VWF: variants seen among roughly 807,000 people sequenced by gnomAD.
VWF encodes von Willebrand factor.
Under a neutral mutation model 308.6 loss-of-function variants are expected in VWF, and 176 were observed. The observed-to-expected ratio is 0.57, with a 90% confidence interval of 0.50 to 0.65. VWF has a LOEUF of 0.65. Among genes scored for constraint, VWF ranks in the 30% least tolerant of loss-of-function variants. VWF has a pLI of 0.00. For synonymous variants in VWF, 1,385 were observed against 1,443.4 expected (o/e 0.96, Z 0.92); for missense variants, 3,146 against 3,648.2 (o/e 0.86, Z 3.55).
chr12:5,981,323 GTCCAAGACCA>G (rs1372195253), intron 42 of VWF, among the ~76,000 whole-genome samples: 1 of 152,150 alleles, frequency 6.6e-6, no homozygotes, highest in Non-Finnish European at 1.5e-5. Flanking sequence ...GAGCCCAGGA[GTCCAAGACCA>G]GCCTAGGCAA....
chr12:6,093,079 C>T (rs940356717), intron 6 of VWF, among the ~76,000 whole-genome samples: 2 of 152,108 alleles, frequency 1.3e-5, no homozygotes, highest in Non-Finnish European at 2.9e-5. Context: ...AAGAAAAGCT[C>T]TCCTCTCTAA....
At chr12:5,967,694 A>G (rs1186071614) in intron 46 of VWF, 92 bp from the exon 47 acceptor site, 16 of 1,118,708 alleles carry the variant, frequency 1.4e-5, no homozygotes, top group South Asian at 2.5e-5. Flanking sequence ...CCACCCACCC[A>G]TAGCTCCCAT....
intron 13 of VWF, among the ~76,000 whole-genome samples, chr12:6,059,796 G>C (rs775556428): frequency 6.6e-6 from 1 of 152,218 alleles, no homozygotes; most frequent in African/African-American, 2.4e-5. Flanking sequence ...AGTGTTTGTT[G>C]AATGAATGAA....
rs181770965 is a variant in VWF at position 6,021,790 on chromosome 12, G to T, written c.3674+110C>A. On this transcript the variant is annotated intron_variant, in intron 27 of 51. Coordinates refer to ENST00000261405, the MANE Select transcript of VWF (RefSeq NM_000552.5). Reference sequence around the variant, plus strand: ...TAAATAAACAAATAAAATAAACTCAGTCTCTCAACTCATGTGGCTAGGACT... The same window carrying T: ...TAAATAAACAAATAAAATAAACTCATTCTCTCAACTCATGTGGCTAGGACT... 10 of 1,230,566 alleles carry T rather than the reference G, an allele frequency of 8.1e-6. No individual in the cohort carries two copies. In the East Asian group the frequency reaches 1.9e-4, roughly 23 times the overall value. The allele number at this position is 1,230,566 out of a possible 1,614,324, so 76.2% of individuals were successfully genotyped here.
At position 5,994,419 on chromosome 12, in the gene VWF, C is replaced by T. The variant is rs1443883405; in HGVS notation, c.6252G>A (p.Leu2084=). Residue 2084 remains leucine, a synonymous_variant, in exon 36 of 52, where the codon CTG becomes CTA. Transcript: ENST00000261405. ...PKTFASKTYG[L]CGICDENGAN... ...GAGTTGAGAAAATGTTCTTACCACA[C>T]AGACCATACGTCTTTGAAGCAAAAG... 5.0e-6 allele frequency: 8 copies of T among 1,614,036 alleles called. No homozygotes were observed. The highest frequency in any genetic ancestry group is 5.9e-6 in the Non-Finnish European group (7 of 1,180,018).
At chr12:6,030,279 C>T (rs1384160231) in intron 21 of VWF, among the ~76,000 whole-genome samples, 1 of 152,260 alleles carries the variant, frequency 6.6e-6, no homozygotes, top group African/African-American at 2.4e-5. Flanking sequence ...ATCACCGCCA[C>T]TCTGCCCTAA....
chr12:5,998,937 C>T (rs1041630912), intron 34 of VWF, among the ~76,000 whole-genome samples: 9 of 152,196 alleles, frequency 5.9e-5, no homozygotes, highest in African/African-American at 2.2e-4. Context: ...CCATGTTGGC[C>T]AGGCTGGTCT....
At position 6,075,788 on chromosome 12, in the gene VWF, T is replaced by C. The variant is rs1944835949; in HGVS notation, c.658-237A>G. On this transcript the variant is annotated intron_variant, in intron 6 of 51. Transcript: ENST00000261405. The surrounding 1 kb of genome is among the most constrained non-coding windows in gnomAD (Gnocchi z 4.7). ...TACATCCTAGACTGAGTCCTGGAAA[T>C]GCAGAGTCCAAGGCCCTGGATTGCC... 6.6e-6 allele frequency among the ~76,000 whole-genome samples: 1 copy of C among 152,196 alleles called. No homozygotes were observed. The highest frequency in any genetic ancestry group is 1.5e-5 in the Non-Finnish European group (1 of 68,034).
At position 6,110,529 on chromosome 12, in the gene VWF, T is replaced by C. The variant is rs1004001002; in HGVS notation, c.377A>G (p.Tyr126Cys). ...KGLYLETEAG[Y>C]YKLSGEAYGF... ...ATAGGCCTCACCGGACAGCTTGTAG[T>C]ACCCAGCCTCAGTTTCTAGATACAG... The change falls in exon 5 of 52, where the codon TAC (tyrosine) becomes TGC (cysteine). Residue 126 changes from tyrosine to cysteine, a missense_variant. Physicochemically the swap from Tyr to Cys is radical, Grantham distance 194 (BLOSUM62 -2). This residue lies in a region of VWF where 1,304 missense variants were observed against 1,353.0 expected (regional missense o/e 0.96). Coordinates refer to ENST00000261405, the MANE Select transcript of VWF (RefSeq NM_000552.5). 6.2e-7 allele frequency: 1 copy of C among 1,614,202 alleles called. No individual in the cohort carries two copies. The highest frequency in any genetic ancestry group is 1.7e-5 in the Admixed American group (1 of 60,032).
intron 3 of VWF, among the ~76,000 whole-genome samples, chr12:6,112,143 T>C (rs767212972): frequency 3.9e-5 from 6 of 151,986 alleles, no homozygotes; most frequent in Non-Finnish European, 8.8e-5. Context: ...ATGGAATTAA[T>C]AAGGACACAC....
Position 6,052,784 on chromosome 12 carries a change from C to G in VWF, c.1946-1G>C. 1 of 1,520,278 alleles carries G rather than the reference C, an allele frequency of 6.6e-7. No homozygotes were observed. Among genetic ancestry groups the G allele is most frequent in the Non-Finnish European group, 8.8e-7 (1 of 1,140,340 alleles). The allele number at this position is 1,520,278 out of a possible 1,614,324, so 94.2% of individuals were successfully genotyped here. A position where few individuals can be genotyped will look rare whatever the true frequency, so the allele number is the denominator to read the frequency against. On this transcript the variant is annotated splice_acceptor_variant, in intron 15 of 51. Coordinates refer to ENST00000261405, the MANE Select transcript of VWF (RefSeq NM_000552.5). LOFTEE classifies it high-confidence loss of function. Reference sequence around the variant, plus strand: ...ACCTGGCCTTTCGGGCAGTTCAGCTCTAGAAGAGAGAGGAGAAGTAAGGCC... The same window carrying G: ...ACCTGGCCTTTCGGGCAGTTCAGCTGTAGAAGAGAGAGGAGAAGTAAGGCC...
intron 6 of VWF, 108 bp downstream of exon 6, chr12:6,095,352 G>GT: frequency 2.1e-5 from 32 of 1,551,100 alleles, no homozygotes; most frequent in Non-Finnish European, 2.8e-5. Context: ...ATGGCCCTGC[G>GT]TAAGTCCATT....
chr12:6,032,643 A>G (rs960198220), intron 20 of VWF, among the ~76,000 whole-genome samples: 5 of 152,084 alleles, frequency 3.3e-5, no homozygotes, highest in African/African-American at 1.2e-4. Flanking sequence ...GTCTCAAAAA[A>G]AAAAAGAAAA....
intron 34 of VWF, among the ~76,000 whole-genome samples, chr12:6,008,740 G>A (rs1943959302): frequency 1.3e-5 from 2 of 152,188 alleles, no homozygotes; most frequent in Admixed American, 1.3e-4. Context: ...ATTTGCAGAT[G>A]ACATGATCAT....
In VWF at chr12:6,060,866, G is replaced by A. The variant is rs1212759795; in HGVS notation, c.1533+2088C>T. Reference sequence around the variant, plus strand: ...CTGATCAAGGGGAGAAAGTGCATGGGTGGAGAGCACCCTCTCTGTGAGGTG... The same window carrying A: ...CTGATCAAGGGGAGAAAGTGCATGGATGGAGAGCACCCTCTCTGTGAGGTG... On this transcript the variant is annotated intron_variant, in intron 13 of 51. Transcript: ENST00000261405. The surrounding 1 kb of genome is among the most constrained non-coding windows in gnomAD (Gnocchi z 5.1). Among the ~76,000 whole-genome samples, 1 of 152,164 alleles carries A rather than the reference G, an allele frequency of 6.6e-6. No homozygotes were observed. Among genetic ancestry groups the A allele is most frequent in the Non-Finnish European group, 1.5e-5 (1 of 68,028 alleles).
In VWF at chr12:6,023,990, T is replaced by C. The variant is rs566787098; in HGVS notation, c.3223-203A>G. 5.5e-3 allele frequency among the ~76,000 whole-genome samples: 834 copies of C among 152,014 alleles called. 13 individuals are homozygous for C. The highest frequency in any genetic ancestry group is 0.019 in the African/African-American group (782 of 41,430). ...CTAATCTGCATTCCAGCAAGAAGAG[T>C]TGAATAATGCAGTGCTGCTGGCCTT... On this transcript the variant is annotated intron_variant, in intron 24 of 51. Coordinates refer to ENST00000261405, the MANE Select transcript of VWF (RefSeq NM_000552.5).
At chr12:6,013,079 T>C (rs757415042) in intron 32 of VWF, among the ~76,000 whole-genome samples, 1 of 152,216 alleles carries the variant, frequency 6.6e-6, no homozygotes, top group Non-Finnish European at 1.5e-5. Flanking sequence ...TGTTATCGTA[T>C]TTCTAAAGCC....
chr12:5,967,570 C>A lies in VWF; in HGVS notation c.7803G>T (p.Thr2601=), dbSNP rs756429337. 2 of 1,613,886 alleles carry A rather than the reference C, an allele frequency of 1.2e-6. No homozygotes were observed. Among genetic ancestry groups the A allele is most frequent in the Non-Finnish European group, 1.7e-6 (2 of 1,180,014 alleles). The change falls in exon 47 of 52, where the codon ACG becomes ACT. Residue 2601 remains threonine (T), a synonymous_variant. Coordinates refer to ENST00000261405, the MANE Select transcript of VWF (RefSeq NM_000552.5). ...PGKTVMIDVC[T]TCRCMVQVGV... The stretch of plus-strand genomic sequence containing the variant: ...CCACCTGCACCATGCAGCGGCAGGT[C>A]GTGCACACATCGATCATCACAGTCT...
intron 2 of VWF, among the ~76,000 whole-genome samples, chr12:6,121,949 AAAAAG>A (rs1359315448): frequency 4.6e-5 from 7 of 152,084 alleles, no homozygotes; most frequent in African/African-American, 9.7e-5. Context: ...AAAGAAAAAG[AAAAAG>A]AAAAGAAAAG....
Sources: allele counts gnomAD v4.1 joint callset (sites outside exome capture counted in the v4.1 genomes callset), GRCh38; gene constraint gnomAD v4.1.1; regional missense constraint gnomAD v4.1.1; non-coding constraint Gnocchi (gnomAD v3.1); transcripts MANE v1.5; gene names NCBI Gene and HGNC (gene_info 2026-07-23, HGNC 2026-07-21).